FREM1: variants seen among roughly 807,000 people sequenced by gnomAD.
The protein encoded by FREM1 is FRAS1 related extracellular matrix 1.
In FREM1, 220 loss-of-function variants were observed where a neutral mutation model predicts 210.1. That is an observed-to-expected ratio of 1.05 (90% CI 0.94 to 1.17). The LOEUF is 1.17. Among genes scored for constraint, FREM1 ranks in the 50% most tolerant of loss-of-function variants. The pLI is 0.00. For missense variants in FREM1, 3,454 were observed against 2,675.5 expected (o/e 1.29, Z -6.42); for synonymous variants, 1,189 against 980.2 (o/e 1.21, Z -3.98).
chr9:14,856,457 G>A (rs550321899), intron 5 of FREM1, among the ~76,000 whole-genome samples: 14 of 152,208 alleles, frequency 9.2e-5, no homozygotes, highest in Admixed American at 1.3e-4. Flanking sequence ...ATTCCTTGGG[G>A]TAATAATGTT....
intron 12 of FREM1, among the ~76,000 whole-genome samples, chr9:14,823,794 A>G (rs1458375625): frequency 2.6e-5 from 4 of 152,182 alleles, no homozygotes; most frequent in Non-Finnish European, 5.9e-5. Context: ...ACAATACAAA[A>G]GTCTGTTTTC....
intron 1 of FREM1, among the ~76,000 whole-genome samples, chr9:14,902,151 T>C (rs1386604138): frequency 6.6e-6 from 1 of 152,144 alleles, no homozygotes; most frequent in Non-Finnish European, 1.5e-5. Flanking sequence ...TGGCTGTTGT[T>C]AATTAATATG....
rs1374310807 is a variant in FREM1, at chr9:14,841,548, C to T, written c.1780G>A (p.Gly594Arg). The change falls in exon 10 of 37, where the codon GGA becomes AGA. Residue 594 changes from glycine (G) to arginine (R), a missense_variant. Transcript: ENST00000380880. The stretch of plus-strand genomic sequence containing the variant: ...CCAAAATGACGATAATAAATGATTC[C>T]ATTAAACAAATCCCTCTGAAGGAAG... ...HGFLQRDLFNGIIYYRHFGGE... is the reference protein window; with the variant it reads ...HGFLQRDLFNRIIYYRHFGGE... 1 of 1,611,638 alleles carries T rather than the reference C, an allele frequency of 6.2e-7. No individual in the cohort carries two copies. Among genetic ancestry groups the T allele is most frequent in the Non-Finnish European group, 8.5e-7 (1 of 1,178,272 alleles).
At chr9:14,826,654 C>A (rs554472401) in intron 10 of FREM1, among the ~76,000 whole-genome samples, 1 of 152,164 alleles carries the variant, frequency 6.6e-6, no homozygotes, top group Non-Finnish European at 1.5e-5. Context: ...AACTTAATTT[C>A]CAATACAAGA....
At chr9:14,828,171 A>T (rs1486183690) in intron 10 of FREM1, among the ~76,000 whole-genome samples, 1 of 152,156 alleles carries the variant, frequency 6.6e-6, no homozygotes, top group African/African-American at 2.4e-5. Context: ...CCAACCTCTG[A>T]CAGCTGTTGC....
intron 8 of FREM1, among the ~76,000 whole-genome samples, chr9:14,843,598 A>G (rs1270649982): frequency 6.6e-6 from 1 of 152,164 alleles, no homozygotes; most frequent in African/African-American, 2.4e-5. Context: ...TAATACAAAT[A>G]CTTACCTCAT....
At chr9:14,783,176 A>C (rs1216584033) in intron 24 of FREM1, among the ~76,000 whole-genome samples, 2 of 152,218 alleles carry the variant, frequency 1.3e-5, no homozygotes, top group Admixed American at 6.5e-5. Context: ...GATTATCCAA[A>C]TCAGCTTTCA....
chr9:14,848,818 A>G, intron 6 of FREM1, 45 bp from the exon 7 acceptor site: 1 of 1,161,774 alleles, frequency 8.6e-7, no homozygotes. Flanking sequence ...GAAGCGTTAC[A>G]GGGTAAAGTA....
Position 14,819,272 on chromosome 9 carries a change from G to A in FREM1, c.2508C>T (p.Gly836=), listed in dbSNP as rs369958842. ...TATGGAGATCGCCCCAAGAAAATGTGCCCCCTGAATTTAGAGGAAATCCAT... is the reference window on the plus strand; with the variant it reads ...TATGGAGATCGCCCCAAGAAAATGTACCCCCTGAATTTAGAGGAAATCCAT... The part of the protein sequence containing the change: ...ELNGFPLNSG[G]TFSWGDLHTL... Residue 836 remains glycine, a synonymous_variant, in exon 14 of 37, where the codon GGC becomes GGT. Transcript: ENST00000380880. The A allele has an allele frequency of 6.2e-7, 1 of 1,613,430 alleles. No individual in the cohort carries two copies. Among genetic ancestry groups the A allele is most frequent in the Non-Finnish European group, 8.5e-7 (1 of 1,179,660 alleles).
intron 1 of FREM1, among the ~76,000 whole-genome samples, chr9:14,903,367 G>C (rs978297274): frequency 6.6e-6 from 1 of 152,236 alleles, no homozygotes; most frequent in Non-Finnish European, 1.5e-5. Flanking sequence ...TCTATAATTT[G>C]AAATGGATGG....
chr9:14,857,523 G>A (rs1381492122), intron 5 of FREM1, 30 bp downstream of exon 5: 1 of 1,566,118 alleles, frequency 6.4e-7, no homozygotes, highest in Non-Finnish European at 8.8e-7. Flanking sequence ...GTGAATCCTG[G>A]GGGCACCCAC....
chr9:14,801,995 T>A, intron 19 of FREM1, 121 bp from the exon 20 acceptor site: 1 of 673,052 alleles, frequency 1.5e-6, no homozygotes, highest in Non-Finnish European at 2.5e-6. Flanking sequence ...GAGATTTATA[T>A]AGGATGAGTC....
intron 11 of FREM1, 22 bp from the exon 12 acceptor site, chr9:14,824,137 C>G: frequency 7.0e-7 from 1 of 1,425,752 alleles, no homozygotes; most frequent in Non-Finnish European, 9.7e-7. Flanking sequence ...TACAGAGGAG[C>G]ACATCAGCTC....
chr9:14,785,109 C>T (rs903186905), intron 23 of FREM1, among the ~76,000 whole-genome samples: 4 of 152,204 alleles, frequency 2.6e-5, no homozygotes, highest in African/African-American at 9.6e-5. Context: ...AACACTTGCC[C>T]TGCTACGCTT....
intron 4 of FREM1, among the ~76,000 whole-genome samples, chr9:14,858,120 A>G (rs1329258883): frequency 6.6e-6 from 1 of 152,050 alleles, no homozygotes; most frequent in African/African-American, 2.4e-5. Flanking sequence ...CTATCATACA[A>G]TCTCTACTAG....
chr9:14,867,619 A>G (rs995490539), intron 2 of FREM1, among the ~76,000 whole-genome samples: 2 of 152,232 alleles, frequency 1.3e-5, no homozygotes, highest in East Asian at 3.9e-4. Flanking sequence ...CAGTTGAGCT[A>G]GTATCCATCT....
intron 35 of FREM1, among the ~76,000 whole-genome samples, chr9:14,744,281 G>GATT (rs542915532): frequency 6.6e-6 from 1 of 152,100 alleles, no homozygotes; most frequent in Non-Finnish European, 1.5e-5. Flanking sequence ...AAAATGAATA[G>GATT]ATTTTTAAAT....
At chr9:14,774,476 ATTGCAT>A (rs1848182336) in intron 25 of FREM1, among the ~76,000 whole-genome samples, 1 of 150,988 alleles carries the variant, frequency 6.6e-6, no homozygotes, top group African/African-American at 2.4e-5. Context: ...AGGCCCTAAA[ATTGCAT>A]GAGCCAATGA....
At chr9:14,750,397 C>T in intron 29 of FREM1, 121 bp from the exon 30 acceptor site, 1 of 659,466 alleles carries the variant, frequency 1.5e-6, no homozygotes, top group East Asian at 3.0e-5. Context: ...AGCTATTGTA[C>T]TGCTACCAAC....
Sources: gnomAD v4.1 joint callset for allele counts (sites outside exome capture counted in the v4.1 genomes callset) on GRCh38, gnomAD v4.1.1 for gene constraint, MANE v1.5 for transcripts, NCBI Gene and HGNC (gene_info 2026-07-23, HGNC 2026-07-21) for gene names.